Variants in DOP1B observed in about 807,000 individuals in gnomAD.
The protein encoded by DOP1B is DOP1 leucine zipper like protein B.
In DOP1B, 174 loss-of-function variants were observed where a neutral mutation model predicts 233.5. That is an observed-to-expected ratio of 0.75 (90% CI 0.66 to 0.85). The LOEUF is 0.85. DOP1B is among the 40% of genes least tolerant of loss of function. The pLI is 0.00. For missense variants in DOP1B, 2,652 were observed against 2,846.6 expected (o/e 0.93, Z 1.56); for synonymous variants, 1,190 against 1,185.6 (o/e 1.00, Z -0.08).
At chr21:36,224,646 A>G (rs1052146651) in intron 11 of DOP1B, among the ~76,000 whole-genome samples, 3 of 151,196 alleles carry the variant, frequency 2.0e-5, no homozygotes, top group Non-Finnish European at 4.4e-5. Context: ...TGTGGATCCT[A>G]TTACAGTTAA....
chr21:36,226,514 G>A (rs1436497392), intron 12 of DOP1B, among the ~76,000 whole-genome samples: 1 of 151,984 alleles, frequency 6.6e-6, no homozygotes, highest in African/African-American at 2.4e-5. Context: ...GGCCAAGCTG[G>A]TCTTGAACTC....
intron 13 of DOP1B, among the ~76,000 whole-genome samples, chr21:36,228,946 G>A (rs2123541394): frequency 6.6e-6 from 1 of 152,268 alleles, no homozygotes; most frequent in Admixed American, 6.5e-5. Flanking sequence ...ACTCCAGCCT[G>A]AGTGAGAGCA....
intron 4 of DOP1B, among the ~76,000 whole-genome samples, chr21:36,201,462 C>T (rs1380496844): frequency 2.7e-5 from 4 of 148,928 alleles, no homozygotes; most frequent in Non-Finnish European, 4.4e-5. Flanking sequence ...ATTCTCCCGC[C>T]GCAGCCTCCC....
Position 36,225,662 on chromosome 21 carries a change from C to T in DOP1B, c.1468C>T (p.Pro490Ser), listed in dbSNP as rs2066674494. The T allele has an allele frequency of 6.2e-7, 1 of 1,613,996 alleles. No individual in the cohort carries two copies. Among genetic ancestry groups the T allele is most frequent in the Non-Finnish European group, 8.5e-7 (1 of 1,180,020 alleles). The stretch of plus-strand genomic sequence containing the variant: ...CCTGGTCTTCCTGCTGGATGTCATT[C>T]CTTTGGTGAGTGCTGGGGAAGGGAC... ...ALLVFLLDVI[P>S]LELYSEVQTQ... is the part of the protein sequence containing the mutation. The change falls in exon 12 of 37, where the codon CCT becomes TCT. Residue 490 changes from proline to serine, a missense_variant. Coordinates refer to ENST00000691173, the MANE Select transcript of DOP1B (RefSeq NM_001320714.2).
chr21:36,178,984 C>T (rs900813849), intron 2 of DOP1B, among the ~76,000 whole-genome samples: 1 of 152,224 alleles, frequency 6.6e-6, no homozygotes, highest in African/African-American at 2.4e-5. Flanking sequence ...TGTCCCCAGA[C>T]AACCACTGAT....
intron 27 of DOP1B, among the ~76,000 whole-genome samples, chr21:36,272,053 A>G (rs1327093449): frequency 6.6e-6 from 1 of 152,142 alleles, no homozygotes; most frequent in Non-Finnish European, 1.5e-5. Context: ...AGCTTAATAC[A>G]ACGTGAGAAA....
intron 2 of DOP1B, among the ~76,000 whole-genome samples, chr21:36,194,875 A>G (rs910698652): frequency 1.1e-4 from 17 of 152,146 alleles, no homozygotes; most frequent in African/African-American, 4.1e-4. Context: ...TTTCTTCAAC[A>G]GAAATCAGTT....
At chr21:36,272,612 A>C (rs550631261) in intron 27 of DOP1B, among the ~76,000 whole-genome samples, 14 of 142,680 alleles carry the variant, frequency 9.8e-5, no homozygotes, top group Non-Finnish European at 1.5e-4. Flanking sequence ...GTGCCACTAC[A>C]CTCCAGCCTG....
intron 31 of DOP1B, 52 bp from the exon 32 acceptor site, chr21:36,281,431 C>G (rs372787223): frequency 4.6e-6 from 7 of 1,519,586 alleles, no homozygotes; most frequent in Non-Finnish European, 5.4e-6. Flanking sequence ...CCCATCACTT[C>G]CCTCCAATTG....
intron 10 of DOP1B, among the ~76,000 whole-genome samples, chr21:36,222,401 G>A (rs1416643254): frequency 6.6e-6 from 1 of 151,502 alleles, no homozygotes; most frequent in Non-Finnish European, 1.5e-5. Context: ...CAACATCACG[G>A]TGAAACCCCG....
chr21:36,225,812 G>A, intron 12 of DOP1B, 145 bp downstream of exon 12: 1 of 847,814 alleles, frequency 1.2e-6, no homozygotes, highest in Non-Finnish European at 1.8e-6. Context: ...TGGCATAAAA[G>A]ATATAGCTGG....
intron 17 of DOP1B, 23 bp downstream of exon 17, chr21:36,238,724 C>T: frequency 1.2e-6 from 2 of 1,609,954 alleles, no homozygotes; most frequent in Non-Finnish European, 1.7e-6. Flanking sequence ...TCGTTATGAT[C>T]TACCGTTAAC....
At chr21:36,195,392 G>T (rs1413072727) in intron 2 of DOP1B, among the ~76,000 whole-genome samples, 2 of 151,678 alleles carry the variant, frequency 1.3e-5, no homozygotes, top group East Asian at 1.9e-4. Context: ...AAATCAGCAG[G>T]GTGTGGTGGT....
At chr21:36,247,244 A>C (rs1005217202) in intron 19 of DOP1B, among the ~76,000 whole-genome samples, 3 of 152,028 alleles carry the variant, frequency 2.0e-5, no homozygotes, top group Non-Finnish European at 2.9e-5. Flanking sequence ...CATGTCAGCT[A>C]CTCTCTACTA....
intron 10 of DOP1B, among the ~76,000 whole-genome samples, chr21:36,220,415 T>C (rs1401729607): frequency 1.3e-5 from 2 of 152,268 alleles, no homozygotes; most frequent in Non-Finnish European, 2.9e-5. Flanking sequence ...AGATTTCTAC[T>C]ACATACATAA....
chr21:36,211,073 C>T (rs1055875471), intron 5 of DOP1B, among the ~76,000 whole-genome samples: 1 of 152,210 alleles, frequency 6.6e-6, no homozygotes, highest in Non-Finnish European at 1.5e-5. Context: ...CCAGCTTTCC[C>T]GTGGAGCATC....
At chr21:36,262,223 A>G (rs2123639919) in intron 24 of DOP1B, among the ~76,000 whole-genome samples, 1 of 152,274 alleles carries the variant, frequency 6.6e-6, no homozygotes, top group Admixed American at 6.5e-5. Flanking sequence ...GTGACAGCGA[A>G]TATATATTGC....
At chr21:36,198,128 CTG>C (rs1380067078) in intron 2 of DOP1B, among the ~76,000 whole-genome samples, 1 of 151,908 alleles carries the variant, frequency 6.6e-6, no homozygotes, top group Non-Finnish European at 1.5e-5. Flanking sequence ...ACATCAGACA[CTG>C]TGTTATAAGA....
intron 22 of DOP1B, 66 bp from the exon 23 acceptor site, chr21:36,253,706 G>A: frequency 6.5e-7 from 1 of 1,550,058 alleles, no homozygotes; most frequent in Non-Finnish European, 8.8e-7. Flanking sequence ...ATACAATAAG[G>A]ATGTGTCATC....
Sources: allele counts gnomAD v4.1 joint callset (sites outside exome capture counted in the v4.1 genomes callset), GRCh38; gene constraint gnomAD v4.1.1; transcripts MANE v1.5; gene names NCBI Gene and HGNC (gene_info 2026-07-23, HGNC 2026-07-21).